IP6K1: variants seen among roughly 807,000 people sequenced by gnomAD.
IP6K1 encodes the protein inositol hexakisphosphate kinase 1, also known as ATP:1D-myo-inositol-hexakisphosphate phosphotransferase.
Under a neutral mutation model 38.3 loss-of-function variants are expected in IP6K1, and 13 were observed. The ratio of observed to expected loss-of-function variants is 0.34; its 90% confidence interval spans 0.22 to 0.54. The LOEUF (loss-of-function observed/expected upper bound fraction) is 0.54, where lower values mean the gene tolerates loss of function less well. IP6K1 is among the 20% of genes least tolerant of loss of function. The pLI is 0.92. For synonymous variants in IP6K1, 212 were observed against 229.9 expected (o/e 0.92, Z 0.70); for missense variants, 397 against 599.8 (o/e 0.66, Z 3.53).
At chr3:49,763,774 G>A (rs1021248316) in intron 1 of IP6K1, among the ~76,000 whole-genome samples, 1 of 152,132 alleles carries the variant, frequency 6.6e-6, no homozygotes, top group Admixed American at 6.5e-5. Flanking sequence ...CTAACACTTT[G>A]GGAGGCTGAG....
chr3:49,748,505 G>C (rs1172393735), intron 1 of IP6K1, among the ~76,000 whole-genome samples: 1 of 152,136 alleles, frequency 6.6e-6, no homozygotes. Context: ...CACACCCAAA[G>C]ATGAGATCAG....
rs762695026 is a variant in IP6K1, at chr3:49,748,018, T to C, written c.23A>G (p.Glu8Gly). ...TGCATTCTTGCCATACTGCCCCACTTCCATGGTTTGACAAACACACATTGC... is the reference window on the plus strand; with the variant it reads ...TGCATTCTTGCCATACTGCCCCACTCCCATGGTTTGACAAACACACATTGC... MCVCQTM[E>G]VGQYGKNASR... The change falls in exon 2 of 6, where the codon GAA becomes GGA. Residue 8 changes from glutamate (E) to glycine (G), a missense_variant. Coordinates refer to ENST00000321599, the MANE Select transcript of IP6K1 (RefSeq NM_153273.4). The C allele has an allele frequency of 1.2e-6, 2 of 1,613,500 alleles. No individual in the cohort carries two copies. Among genetic ancestry groups the C allele is most frequent in the Non-Finnish European group, 1.7e-6 (2 of 1,180,038 alleles).
At chr3:49,734,394 CTTTTT>C (rs71735078) in intron 3 of IP6K1, among the ~76,000 whole-genome samples, 1 of 87,248 alleles carries the variant, frequency 1.1e-5, no homozygotes, top group Admixed American at 1.4e-4. Context: ...ACCGTAATTT[CTTTTT>C]TTTTTTTTTT....
chr3:49,765,742 CTA>C (rs2080905967), intron 1 of IP6K1, among the ~76,000 whole-genome samples: 1 of 150,082 alleles, frequency 6.7e-6, no homozygotes, highest in African/African-American at 2.5e-5. Flanking sequence ...GATACATAAA[CTA>C]TGTAAAAATC....
intron 1 of IP6K1, among the ~76,000 whole-genome samples, chr3:49,776,328 A>G (rs1429524081): frequency 1.3e-5 from 2 of 151,890 alleles, no homozygotes; most frequent in Non-Finnish European, 2.9e-5. Context: ...GCCAGCCTGG[A>G]CAACATGGTG....
intron 1 of IP6K1, chr3:49,775,449 T>G (rs923824449): frequency 6.2e-6 from 3 of 485,672 alleles, no homozygotes; most frequent in Non-Finnish European, 7.7e-6. Flanking sequence ...TTAGCAGGGG[T>G]GCCGTGTGAT....
chr3:49,755,199 AGT>A (rs2080811777), intron 1 of IP6K1, among the ~76,000 whole-genome samples: 1 of 151,326 alleles, frequency 6.6e-6, no homozygotes, highest in East Asian at 1.9e-4. Flanking sequence ...GGCCTCCCAA[AGT>A]GCTGGGATTA....
At chr3:49,761,613 C>CAAAA (rs71080551) in intron 1 of IP6K1, among the ~76,000 whole-genome samples, 1 of 91,726 alleles carries the variant, frequency 1.1e-5, no homozygotes, top group Non-Finnish European at 2.2e-5. Flanking sequence ...GACTCCGTCT[C>CAAAA]AAAAAAAAAA....
intron 1 of IP6K1, among the ~76,000 whole-genome samples, chr3:49,763,937 G>C (rs2080887485): frequency 6.6e-6 from 1 of 152,098 alleles, no homozygotes; most frequent in Non-Finnish European, 1.5e-5. Context: ...CAGGAGAATT[G>C]CTGGAACCCG....
At chr3:49,742,934 A>T (rs970900676) in intron 2 of IP6K1, among the ~76,000 whole-genome samples, 3 of 152,066 alleles carry the variant, frequency 2.0e-5, no homozygotes, top group Non-Finnish European at 4.4e-5. Flanking sequence ...ATTTTATATT[A>T]AAAAAACACA....
intron 3 of IP6K1, among the ~76,000 whole-genome samples, chr3:49,737,212 G>C (rs2080620718): frequency 6.6e-6 from 1 of 151,864 alleles, no homozygotes; most frequent in South Asian, 2.1e-4. Flanking sequence ...CACTCAGCCT[G>C]GTTTAACTTT....
chr3:49,774,938 T>C (rs1290349019), intron 1 of IP6K1, among the ~76,000 whole-genome samples: 2 of 152,052 alleles, frequency 1.3e-5, no homozygotes, highest in African/African-American at 4.8e-5. Flanking sequence ...ATATTTTCAT[T>C]AACCAATTAA....
At position 49,759,775 on chromosome 3, in the gene IP6K1, C is replaced by T. The variant is rs565817356; in HGVS notation, c.-128-11607G>A. ...ATTAGTAGACTATGTGAAGTAAATA[C>T]GTGAAGAAAACCTATAACAAGGGGT... is the stretch of plus-strand genomic sequence containing the variant. On this transcript the variant is annotated intron_variant, in intron 1 of 5. Coordinates refer to ENST00000321599, the MANE Select transcript of IP6K1 (RefSeq NM_153273.4). 1.8e-4 allele frequency among the ~76,000 whole-genome samples: 27 copies of T among 152,298 alleles called. No individual in the cohort carries two copies. The South Asian group carries it at 2.1e-3, about 12-fold the overall frequency.
intron 1 of IP6K1, among the ~76,000 whole-genome samples, chr3:49,776,467 A>G (rs2081009593): frequency 6.6e-6 from 1 of 151,930 alleles, no homozygotes; most frequent in South Asian, 2.1e-4. Flanking sequence ...CAGTGAGCCG[A>G]GATAGCACCA....
rs1009114118 is a variant in IP6K1, at chr3:49,725,676, C to T, written c.*1446G>A. ...TTGGCAATGGCTGAAATCGGTGTCA[C>T]CTCCTGGCCATCTGTTAGAAGCAGC... On this transcript the variant is annotated 3_prime_UTR_variant, in exon 6 of 6. Coordinates refer to ENST00000321599, the MANE Select transcript of IP6K1 (RefSeq NM_153273.4). The T allele has an allele frequency of 5.2e-5, 8 of 152,726 alleles. No homozygotes were observed. The highest frequency in any genetic ancestry group is 8.8e-5 in the Non-Finnish European group (6 of 68,094). 9.5% of individuals were successfully genotyped at this position (152,726 alleles called of 1,614,324 possible). A position where few individuals can be genotyped will look rare whatever the true frequency, so the allele number is the denominator to read the frequency against.
intron 2 of IP6K1, among the ~76,000 whole-genome samples, chr3:49,739,355 CT>C (rs778966835): frequency 9.2e-4 from 125 of 135,590 alleles, no homozygotes; most frequent in Non-Finnish European, 8.9e-4. Context: ...GCTTAAAGTT[CT>C]TTTTTTTTTT....
intron 1 of IP6K1, among the ~76,000 whole-genome samples, chr3:49,752,015 T>G (rs2080781150): frequency 6.6e-6 from 1 of 152,284 alleles, no homozygotes; most frequent in Middle Eastern, 3.4e-3. Flanking sequence ...TTTTTGTTGT[T>G]GTTTTCCTTT....
intron 2 of IP6K1, among the ~76,000 whole-genome samples, chr3:49,743,280 A>T (rs990160962): frequency 4.2e-5 from 6 of 142,088 alleles, no homozygotes; most frequent in South Asian, 2.3e-4. Context: ...ACACACACAC[A>T]CTTACCTTTC....
chr3:49,739,569 T>A (rs891883797), intron 2 of IP6K1, among the ~76,000 whole-genome samples: 1 of 152,054 alleles, frequency 6.6e-6, no homozygotes, highest in African/African-American at 2.4e-5. Context: ...TTAGCCAGGA[T>A]GGTCTCATCT....
Sources: gnomAD v4.1 joint callset for allele counts (sites outside exome capture counted in the v4.1 genomes callset) on GRCh38, gnomAD v4.1.1 for gene constraint, MANE v1.5 for transcripts, NCBI Gene and HGNC (gene_info 2026-07-23, HGNC 2026-07-21) for gene names.